Variants in MGAT5 observed in about 807,000 individuals in gnomAD.
The protein encoded by MGAT5 is alpha-1,6-mannosylglycoprotein 6-beta-N-acetylglucosaminyltransferase.
In MGAT5, 30 loss-of-function variants were observed where a neutral mutation model predicts 94.3. The observed-to-expected ratio is 0.32, with a 90% CI of 0.24 to 0.43. The LOEUF is 0.43. Among genes scored for constraint, MGAT5 ranks in the 20% least tolerant of loss-of-function variants. MGAT5 has a pLI of 1.00. For synonymous variants in MGAT5, 310 were observed against 322.9 expected (o/e 0.96, Z 0.43); for missense variants, 691 against 905.5 (o/e 0.76, Z 3.04).
At chr2:134,290,460 G>A (rs773385163) in intron 2 of MGAT5, among the ~76,000 whole-genome samples, 9 of 152,164 alleles carry the variant, frequency 5.9e-5, no homozygotes, top group Non-Finnish European at 1.5e-5. Flanking sequence ...CTTCCTTCCT[G>A]TGTCTTTTCC....
chr2:134,314,429 C>T (rs1448437568), intron 2 of MGAT5, among the ~76,000 whole-genome samples: 4 of 152,152 alleles, frequency 2.6e-5, no homozygotes, highest in African/African-American at 7.2e-5. Flanking sequence ...GAGTCAGGCC[C>T]GTTGGGCAGA....
At chr2:134,409,446 T>C (rs926715588) in intron 11 of MGAT5, among the ~76,000 whole-genome samples, 2 of 152,238 alleles carry the variant, frequency 1.3e-5, no homozygotes, top group African/African-American at 4.8e-5. Context: ...GAGCTAGACC[T>C]TGAAGCCTAA....
chr2:134,451,427 C>T lies in MGAT5; in HGVS notation c.*2580C>T, dbSNP rs1314919710. On this transcript the variant is annotated 3_prime_UTR_variant, in exon 16 of 16. Transcript: ENST00000281923. ...GGCATTATCTGAAGAGTCAGTGACC[C>T]CTGAATGTGTACTGGCTCCCAGGCC... is the stretch of plus-strand genomic sequence containing the variant. 2 of 152,210 alleles carry T rather than the reference C, an allele frequency of 1.3e-5. No homozygotes were observed. The highest frequency in any genetic ancestry group is 2.4e-5 in the African/African-American group (1 of 41,432). The allele number at this position is 152,210 out of a possible 1,614,324, so 9.4% of individuals were successfully genotyped here.
intron 1 of MGAT5, among the ~76,000 whole-genome samples, chr2:134,182,658 T>G (rs769646826): frequency 5.3e-5 from 8 of 152,168 alleles, no homozygotes; most frequent in Non-Finnish European, 1.0e-4. Context: ...TTCCGGTCAC[T>G]GTCACCGCCA....
chr2:134,401,910 G>A (rs1683077932), intron 10 of MGAT5, among the ~76,000 whole-genome samples: 1 of 152,126 alleles, frequency 6.6e-6, no homozygotes, highest in Non-Finnish European at 1.5e-5. Flanking sequence ...GCAGTGAATG[G>A]CAGAGACCAG....
chr2:134,392,982 C>T (rs980368798), intron 10 of MGAT5, among the ~76,000 whole-genome samples: 1 of 152,100 alleles, frequency 6.6e-6, no homozygotes, highest in South Asian at 2.1e-4. Flanking sequence ...TCAGCCATAA[C>T]TAAGTGCTGG....
rs148450503 is a variant in MGAT5, at chr2:134,304,467, G to A, written c.407-13062G>A. On this transcript the variant is annotated intron_variant, in intron 2 of 15. Transcript: ENST00000281923. ...CTGGGAACAGACTACTTGCTGAAAC[G>A]AACAAATTCCCAGGCAGTTGAAAAC... Among the ~76,000 whole-genome samples the A allele has an allele frequency of 2.0e-4, 31 of 152,230 alleles. No individual in the cohort carries two copies. In the East Asian group the frequency reaches 5.2e-3, roughly 26 times the overall value.
intron 1 of MGAT5, among the ~76,000 whole-genome samples, chr2:134,229,829 A>G (rs1681264266): frequency 1.3e-5 from 2 of 152,252 alleles, no homozygotes; most frequent in Non-Finnish European, 2.9e-5. Context: ...TGACAAAGAC[A>G]GATGAGCCAA....
chr2:134,333,215 A>G (rs1688092585), intron 4 of MGAT5, among the ~76,000 whole-genome samples: 1 of 152,248 alleles, frequency 6.6e-6, no homozygotes, highest in East Asian at 1.9e-4. Flanking sequence ...CTGGACTAAG[A>G]AAATGTGGCA....
intron 11 of MGAT5, 106 bp from the exon 12 acceptor site, chr2:134,412,763 A>G (rs1323390104): frequency 2.8e-6 from 4 of 1,417,600 alleles, no homozygotes; most frequent in African/African-American, 2.8e-5. Context: ...TGAGGTGTCC[A>G]CACGGGAATG....
intron 2 of MGAT5, among the ~76,000 whole-genome samples, chr2:134,301,472 T>C (rs35545435): frequency 0.15 from 23,422 of 152,184 alleles, 2,019 homozygotes; most frequent in South Asian, 0.3. Context: ...TCATTTATGT[T>C]TTCTTTTTCT....
intron 1 of MGAT5, among the ~76,000 whole-genome samples, chr2:134,125,524 G>A (rs1483781432): frequency 6.6e-6 from 1 of 152,226 alleles, no homozygotes; most frequent in Non-Finnish European, 1.5e-5. Context: ...GCAGAGAGGT[G>A]GAGGGACTTT....
chr2:134,353,824 T>C (rs1679546712), intron 9 of MGAT5, among the ~76,000 whole-genome samples: 1 of 152,066 alleles, frequency 6.6e-6, no homozygotes, highest in Admixed American at 6.6e-5. Context: ...TGGAAATGAA[T>C]AGAGAAATAA....
chr2:134,274,878 A>G (rs548924076), intron 2 of MGAT5, among the ~76,000 whole-genome samples: 1 of 152,348 alleles, frequency 6.6e-6, no homozygotes, highest in Non-Finnish European at 1.5e-5. Context: ...TTGGGGTTGA[A>G]GTGCAATGTA....
At chr2:134,405,790 T>C (rs1683298279) in intron 11 of MGAT5, among the ~76,000 whole-genome samples, 1 of 152,230 alleles carries the variant, frequency 6.6e-6, no homozygotes, top group Admixed American at 6.5e-5. Flanking sequence ...TCTTTGAATC[T>C]CTGCACCAAT....
chr2:134,244,879 C>T (rs1682154046), intron 1 of MGAT5, among the ~76,000 whole-genome samples: 1 of 152,162 alleles, frequency 6.6e-6, no homozygotes, highest in African/African-American at 2.4e-5. Flanking sequence ...TGTTAAACCT[C>T]TAATAGCTTC....
At chr2:134,415,744 TG>T (rs1291302737) in intron 12 of MGAT5, among the ~76,000 whole-genome samples, 1 of 152,202 alleles carries the variant, frequency 6.6e-6, no homozygotes. Context: ...GTAGTTGTGC[TG>T]TTTCAGGTCT....
chr2:134,385,703 C>T (rs1278318132), intron 10 of MGAT5, among the ~76,000 whole-genome samples: 4 of 152,042 alleles, frequency 2.6e-5, no homozygotes, highest in Admixed American at 1.3e-4. Context: ...TTTATAAATA[C>T]ATACGAAACA....
In MGAT5 at chr2:134,276,669, T is replaced by G. The variant is rs549314174; in HGVS notation, c.406+6119T>G. ...AGTTTCTATTTTGTTCCCTGGGCCGTGGCAGTTGATGAGAGGTTTAAAGTA... is the reference window on the plus strand; with the variant it reads ...AGTTTCTATTTTGTTCCCTGGGCCGGGGCAGTTGATGAGAGGTTTAAAGTA... On this transcript the variant is annotated intron_variant, in intron 2 of 15. Coordinates refer to ENST00000281923, the MANE Select transcript of MGAT5 (RefSeq NM_002410.5). 1.4e-3 allele frequency among the ~76,000 whole-genome samples: 211 copies of G among 152,308 alleles called. 1 individual carries two copies. In the South Asian group the frequency reaches 0.027, roughly 20 times the overall value.
Sources: gnomAD v4.1 joint callset for allele counts (sites outside exome capture counted in the v4.1 genomes callset) on GRCh38, gnomAD v4.1.1 for gene constraint, MANE v1.5 for transcripts, NCBI Gene and HGNC (gene_info 2026-07-23, HGNC 2026-07-21) for gene names.